PLXDC1: variants seen among roughly 807,000 people sequenced by gnomAD.
The protein encoded by PLXDC1 is plexin domain-containing protein 1.
In PLXDC1, 39 loss-of-function variants were observed where a neutral mutation model predicts 61.3. The observed-to-expected ratio is 0.64, with a 90% confidence interval of 0.49 to 0.83. The LOEUF (loss-of-function observed/expected upper bound fraction) is 0.83. Ranked by LOEUF, PLXDC1 falls within the 40% of genes least tolerant of loss-of-function variation. PLXDC1 has a pLI of 0.00. For missense variants in PLXDC1, 596 were observed against 666.5 expected (o/e 0.89, Z 1.17); for synonymous variants, 212 against 254.5 (o/e 0.83, Z 1.59).
chr17:39,093,910 G>A (rs1910048549), intron 7 of PLXDC1, among the ~76,000 whole-genome samples: 1 of 152,074 alleles, frequency 6.6e-6, no homozygotes, highest in Non-Finnish European at 1.5e-5. Context: ...GAAAGCTGAG[G>A]TGGCGAGGGG....
At chr17:39,074,418 CCTAA>C (rs34588546) in intron 11 of PLXDC1, among the ~76,000 whole-genome samples, 3,961 of 152,162 alleles carry the variant, frequency 0.026, 184 homozygotes, top group African/African-American at 0.09. Flanking sequence ...GACATAGAGC[CCTAA>C]CTGTCTTCAC....
rs752153210 is a variant in PLXDC1, at chr17:39,108,897, G to A, written c.469+7C>T. The A allele has an allele frequency of 4.3e-6, 7 of 1,609,406 alleles. No homozygotes were observed. The highest frequency in any genetic ancestry group is 1.7e-5 in the Admixed American group (1 of 59,920). ...ACTCTCCCCGGGGCCCCACGACGTG[G>A]CCTTACCTCCAGTTGCTATGGTGAT... On this transcript the variant is annotated splice_region_variant and intron_variant, in intron 4 of 13. Coordinates refer to ENST00000315392, the MANE Select transcript of PLXDC1 (RefSeq NM_020405.5).
intron 7 of PLXDC1, among the ~76,000 whole-genome samples, chr17:39,087,948 G>A (rs1567757126): frequency 6.6e-6 from 1 of 152,200 alleles, no homozygotes; most frequent in Non-Finnish European, 1.5e-5. Flanking sequence ...CAGGACAAAT[G>A]GGATCCCATG....
chr17:39,063,337 C>A lies in PLXDC1; in HGVS notation c.*4503G>T. 1 of 631,180 alleles carries A rather than the reference C, an allele frequency of 1.6e-6. No homozygotes were observed. Among genetic ancestry groups the A allele is most frequent in the South Asian group, 1.8e-5 (1 of 54,224 alleles). 39.1% of individuals were successfully genotyped at this position (631,180 alleles called of 1,614,324 possible). A position where few individuals can be genotyped will look rare whatever the true frequency, so the allele number is the denominator to read the frequency against. On this transcript the variant is annotated 3_prime_UTR_variant, in exon 14 of 14. Coordinates refer to ENST00000315392, the MANE Select transcript of PLXDC1 (RefSeq NM_020405.5). ...AGACTTTCTCAGATTTATTGTATGT[C>A]CTCAGACAGTAGATAAAAATGCATG...
At chr17:39,074,857 G>C (rs1215424564) in intron 11 of PLXDC1, among the ~76,000 whole-genome samples, 2 of 152,188 alleles carry the variant, frequency 1.3e-5, no homozygotes, top group Non-Finnish European at 2.9e-5. Flanking sequence ...CTCCTTGTAG[G>C]AGGAGCTTTC....
chr17:39,098,847 C>T (rs1910318785), intron 7 of PLXDC1, among the ~76,000 whole-genome samples: 1 of 152,242 alleles, frequency 6.6e-6, no homozygotes, highest in Middle Eastern at 3.4e-3. Context: ...GGGACACAGA[C>T]CAGAGCTCCC....
chr17:39,141,981 CT>C (rs902656024), intron 1 of PLXDC1, among the ~76,000 whole-genome samples: 1 of 152,082 alleles, frequency 6.6e-6, no homozygotes, highest in Non-Finnish European at 1.5e-5. Flanking sequence ...CTATTTAAGT[CT>C]TTTTCCTGTT....
At chr17:39,091,912 C>T (rs948394587) in intron 7 of PLXDC1, among the ~76,000 whole-genome samples, 18 of 143,546 alleles carry the variant, frequency 1.3e-4, no homozygotes, top group African/African-American at 4.7e-4. Context: ...TGAGCTGAGA[C>T]TGCACCACTG....
intron 9 of PLXDC1, 30 bp from the exon 10 acceptor site, chr17:39,079,194 G>A (rs1263014495): frequency 1.3e-6 from 2 of 1,594,286 alleles, no homozygotes; most frequent in Non-Finnish European, 1.7e-6. Context: ...ACAGAGTTAT[G>A]ATGGGATTGA....
chr17:39,108,057 TC>T, intron 5 of PLXDC1, 65 bp downstream of exon 5: 1 of 1,600,146 alleles, frequency 6.2e-7, no homozygotes, highest in Non-Finnish European at 8.6e-7. Context: ...GGCCCTGTGC[TC>T]CTCTAAAGGA....
chr17:39,115,809 C>G (rs564407719), intron 2 of PLXDC1, among the ~76,000 whole-genome samples: 1 of 152,112 alleles, frequency 6.6e-6, no homozygotes, highest in Non-Finnish European at 1.5e-5. Flanking sequence ...AGTGGGGAAA[C>G]TGAGACTAGA....
At chr17:39,135,532 C>T (rs1417400966) in intron 2 of PLXDC1, among the ~76,000 whole-genome samples, 4 of 152,102 alleles carry the variant, frequency 2.6e-5, no homozygotes, top group Non-Finnish European at 2.9e-5. Flanking sequence ...CAAAAATTAG[C>T]TGGGCGTGGT....
intron 5 of PLXDC1, 152 bp downstream of exon 5, chr17:39,107,971 T>A: frequency 1.1e-6 from 1 of 934,568 alleles, no homozygotes; most frequent in Non-Finnish European, 1.7e-6. Context: ...TGCCCCTATC[T>A]GACAGGTCAG....
At chr17:39,130,496 G>A (rs188048716) in intron 2 of PLXDC1, among the ~76,000 whole-genome samples, 122 of 152,150 alleles carry the variant, frequency 8.0e-4, no homozygotes, top group African/African-American at 2.9e-3. Context: ...CTGGATGGGG[G>A]GTTGGTTGCA....
chr17:39,139,511 CG>C, intron 2 of PLXDC1, 142 bp downstream of exon 2: 1 of 730,756 alleles, frequency 1.4e-6, no homozygotes, highest in Non-Finnish European at 2.2e-6. Flanking sequence ...ATCCCCTCCC[CG>C]GGGATTCTTC....
At chr17:39,076,856 C>T (rs190077126) in intron 11 of PLXDC1, among the ~76,000 whole-genome samples, 3 of 152,274 alleles carry the variant, frequency 2.0e-5, no homozygotes, top group African/African-American at 7.2e-5. Flanking sequence ...CTGCCTCAGC[C>T]TCCCGAGTAG....
chr17:39,142,975 T>TA (rs1163164622), intron 1 of PLXDC1, among the ~76,000 whole-genome samples: 1 of 151,932 alleles, frequency 6.6e-6, no homozygotes, highest in Admixed American at 6.6e-5. Flanking sequence ...CCGTCTCTAC[T>TA]AAAAATACAA....
intron 9 of PLXDC1, 130 bp downstream of exon 9, chr17:39,083,329 C>A: frequency 1.4e-6 from 1 of 724,228 alleles, no homozygotes; most frequent in Admixed American, 2.1e-5. Context: ...TCCCAAGAGT[C>A]AGAGTGGTAC....
chr17:39,078,129 AATTT>A (rs1223081645), intron 10 of PLXDC1, 81 bp from the exon 11 acceptor site: 12 of 1,333,978 alleles, frequency 9.0e-6, no homozygotes, highest in Non-Finnish European at 1.2e-5. Flanking sequence ...CTTACAGGGC[AATTT>A]ATCTGTCAGC....
Sources: gnomAD v4.1 joint callset for allele counts (sites outside exome capture counted in the v4.1 genomes callset) on GRCh38, gnomAD v4.1.1 for gene constraint, MANE v1.5 for transcripts, NCBI Gene and HGNC (gene_info 2026-07-23, HGNC 2026-07-21) for gene names.